Variants in MYO9A observed in about 807,000 individuals in gnomAD.
MYO9A encodes the protein unconventional myosin-IXa.
In MYO9A, 103 loss-of-function variants were observed where a neutral mutation model predicts 293.3. The observed-to-expected ratio is 0.35, with a 90% CI of 0.30 to 0.41. MYO9A has a LOEUF of 0.41. Among genes scored for constraint, MYO9A ranks in the 10% least tolerant of loss-of-function variants. MYO9A has a pLI of 1.00. For synonymous variants in MYO9A, 1,001 were observed against 1,035.7 expected (o/e 0.97, Z 0.64); for missense variants, 2,685 against 3,033.0 (o/e 0.89, Z 2.69).
At chr15:72,112,064 G>A (rs915956354) in intron 1 of MYO9A, among the ~76,000 whole-genome samples, 2 of 151,970 alleles carry the variant, frequency 1.3e-5, no homozygotes, top group Admixed American at 1.3e-4. Flanking sequence ...CCACTTAATG[G>A]ATTTAAGATT....
At chr15:71,955,574 T>C (rs1442587625) in intron 14 of MYO9A, among the ~76,000 whole-genome samples, 1 of 152,168 alleles carries the variant, frequency 6.6e-6, no homozygotes, top group Non-Finnish European at 1.5e-5. Context: ...ATGGTAGGAG[T>C]ATATCACAAT....
At chr15:72,003,703 C>CAAAAAAAA (rs397738256) in intron 8 of MYO9A, among the ~76,000 whole-genome samples, 2 of 86,524 alleles carry the variant, frequency 2.3e-5, no homozygotes, top group African/African-American at 4.7e-5. Flanking sequence ...GACTCCGTCT[C>CAAAAAAAA]AAAAAAAAAA....
chr15:71,929,902 T>C (rs2058428413), intron 18 of MYO9A, among the ~76,000 whole-genome samples: 1 of 152,232 alleles, frequency 6.6e-6, no homozygotes. Flanking sequence ...ACTAATTTTC[T>C]TGTAGTACTT....
intron 4 of MYO9A, among the ~76,000 whole-genome samples, chr15:72,023,897 C>A (rs1596403023): frequency 6.6e-6 from 1 of 152,104 alleles, no homozygotes; most frequent in East Asian, 1.9e-4. Context: ...TTTTGACAAA[C>A]CAAAATTCTT....
intron 12 of MYO9A, among the ~76,000 whole-genome samples, chr15:71,971,022 A>G (rs1414813468): frequency 6.6e-6 from 1 of 151,912 alleles, no homozygotes; most frequent in East Asian, 1.9e-4. Context: ...TTAGCCGGGC[A>G]TGGGGGCGGG....
At chr15:71,921,069 G>C (rs932721387) in intron 18 of MYO9A, among the ~76,000 whole-genome samples, 1 of 152,090 alleles carries the variant, frequency 6.6e-6, no homozygotes, top group East Asian at 1.9e-4. Context: ...ATATATAACT[G>C]GACAATGAAG....
Position 71,823,585 on chromosome 15 carries a change from T to C in MYO9A, c.*2995A>G, listed in dbSNP as rs1342568058. The stretch of plus-strand genomic sequence containing the variant: ...AAGTACGTTGTAAACTAAGCCTCCC[T>C]GAATCCTGCTGTATTTGCTGTTGAT... On this transcript the variant is annotated 3_prime_UTR_variant, in exon 42 of 42. Transcript: ENST00000356056. 6.6e-6 allele frequency: 1 copy of C among 152,262 alleles called. No individual in the cohort carries two copies. The highest frequency in any genetic ancestry group is 1.9e-4 in the East Asian group (1 of 5,200). The allele number at this position is 152,262 out of a possible 1,614,324, so 9.4% of individuals were successfully genotyped here. A position where few individuals can be genotyped will look rare whatever the true frequency, so the allele number is the denominator to read the frequency against.
intron 13 of MYO9A, among the ~76,000 whole-genome samples, chr15:71,961,993 G>A (rs190594461): frequency 7.2e-5 from 11 of 152,160 alleles, no homozygotes; most frequent in African/African-American, 2.6e-4. Context: ...CAAAATGCTG[G>A]AATTACAGGT....
chr15:71,931,377 C>A (rs2058470367), intron 18 of MYO9A, among the ~76,000 whole-genome samples: 1 of 152,126 alleles, frequency 6.6e-6, no homozygotes, highest in Admixed American at 6.5e-5. Context: ...GGGCATAGTA[C>A]TATGGTTGGC....
intron 1 of MYO9A, among the ~76,000 whole-genome samples, chr15:72,077,016 C>T (rs1277323510): frequency 9.5e-6 from 1 of 105,802 alleles, no homozygotes; most frequent in African/African-American, 3.0e-5. Flanking sequence ...AAAAACTAGA[C>T]AACTACATCC....
chr15:72,054,334 G>A (rs2078656170), intron 1 of MYO9A, among the ~76,000 whole-genome samples: 1 of 152,178 alleles, frequency 6.6e-6, no homozygotes. Context: ...GCCACAGAGT[G>A]GCAAGTAAGT....
At chr15:72,106,497 T>A (rs1245299531) in intron 1 of MYO9A, among the ~76,000 whole-genome samples, 8 of 152,190 alleles carry the variant, frequency 5.3e-5, no homozygotes. Context: ...GAGCAAGACC[T>A]CATCTCTAAA....
chr15:71,983,478 T>C (rs1485848604), intron 11 of MYO9A, among the ~76,000 whole-genome samples: 6 of 134,816 alleles, frequency 4.5e-5, no homozygotes, highest in Admixed American at 1.5e-4. Context: ...TTCTTTTTTT[T>C]TTTTTTTTTT....
intron 1 of MYO9A, among the ~76,000 whole-genome samples, chr15:72,079,018 T>A (rs2079455627): frequency 6.6e-6 from 1 of 152,188 alleles, no homozygotes; most frequent in Admixed American, 6.5e-5. Context: ...AGTGAAACTA[T>A]TCTCTATGAT....
intron 22 of MYO9A, among the ~76,000 whole-genome samples, chr15:71,902,307 T>C (rs950832942): frequency 6.6e-6 from 1 of 152,052 alleles, no homozygotes; most frequent in Admixed American, 6.6e-5. Flanking sequence ...AGGAGGTTAT[T>C]ATCAAGCAGG....
intron 1 of MYO9A, among the ~76,000 whole-genome samples, chr15:72,060,580 C>A (rs2078850916): frequency 6.6e-6 from 1 of 151,974 alleles, no homozygotes; most frequent in South Asian, 2.1e-4. Flanking sequence ...TCAGTGCTGC[C>A]CCGTCACAGG....
rs1402688243 is a variant in MYO9A, at chr15:71,968,138, A to C, written c.1845-13T>G. On this transcript the variant is annotated splice_polypyrimidine_tract_variant and intron_variant, in intron 12 of 41. Coordinates refer to ENST00000356056, the MANE Select transcript of MYO9A (RefSeq NM_006901.4). ...AGCCTGTGGAAAGCTGAATTAAAAA[A>C]AAAAGAAAAAATATCATTACAGAAA... is the stretch of plus-strand genomic sequence containing the variant. 23 of 1,552,200 alleles carry C rather than the reference A, an allele frequency of 1.5e-5. 1 individual carries two copies. Among genetic ancestry groups the C allele is most frequent in the Non-Finnish European group, 1.9e-5 (22 of 1,151,640 alleles).
At chr15:72,103,543 A>G (rs541755942) in intron 1 of MYO9A, among the ~76,000 whole-genome samples, 3 of 150,580 alleles carry the variant, frequency 2.0e-5, no homozygotes, top group East Asian at 1.9e-4. Context: ...CAGAAGCAGC[A>G]GAAGCAGTGG....
chr15:71,921,759 A>G (rs1416502611), intron 18 of MYO9A, among the ~76,000 whole-genome samples: 1 of 152,188 alleles, frequency 6.6e-6, no homozygotes, highest in Non-Finnish European at 1.5e-5. Flanking sequence ...TCCCTCAATG[A>G]TCTTTTTTCC....
Sources: allele counts gnomAD v4.1 joint callset (sites outside exome capture counted in the v4.1 genomes callset), GRCh38; gene constraint gnomAD v4.1.1; transcripts MANE v1.5; gene names NCBI Gene and HGNC (gene_info 2026-07-23, HGNC 2026-07-21).